The following BCLAF1 variants were observed in gnomAD, a reference collection of about 807,000 sequenced individuals.
BCLAF1 encodes the protein bcl-2-associated transcription factor 1.
A neutral mutation model predicts 99.5 loss-of-function variants in BCLAF1; 10 were observed. The ratio of observed to expected loss-of-function variants is 0.10; its 90% confidence interval spans 0.06 to 0.17. BCLAF1 has a LOEUF of 0.17. BCLAF1 is among the 10% of genes least tolerant of loss of function. The pLI is 1.00. For synonymous variants in BCLAF1, 255 were observed against 370.9 expected, an observed-to-expected ratio of 0.69 and a Z score of 3.59; for missense variants, 636 against 1,105.8, an observed-to-expected ratio of 0.58 and a Z score of 6.02.
intron 3 of BCLAF1, among the ~76,000 whole-genome samples, chr6:136,279,318 T>C (rs941961745): frequency 1.3e-5 from 2 of 152,188 alleles, no homozygotes; most frequent in African/African-American, 4.8e-5. Flanking sequence ...CTATGCTAAG[T>C]ATGTATTACT....
At position 136,276,397 on chromosome 6, in the gene BCLAF1, T is replaced by C. The variant is rs1270087759; in HGVS notation, c.1128A>G (p.Glu376=). Residue 376 remains glutamate, a synonymous_variant, in exon 5 of 13, where the codon GAA becomes GAG. Transcript: ENST00000531224. ...SEKGRAEGEW[E]DQEALDYFSD... ...TGAAGTAATCTAGAGCTTCCTGATC[T>C]TCCCATTCTCCCTCTGCCCTCCCTT... 1 of 1,574,988 alleles carries C rather than the reference T, an allele frequency of 6.3e-7. No individual in the cohort carries two copies. The highest frequency in any genetic ancestry group is 1.4e-5 in the African/African-American group (1 of 72,932).
At position 136,261,128 on chromosome 6, in the gene BCLAF1, G is replaced by GA. The variant is rs751133979; in HGVS notation, c.2758-14dup. Reference sequence around the variant, plus strand: ...ATATTTATTATTCCTAAAAGAGAGAGAAAAAATTAAAGATTAACAAAAGAT... The same window carrying GA: ...ATATTTATTATTCCTAAAAGAGAGAGAAAAAAATTAAAGATTAACAAAAGAT... On this transcript the variant is annotated splice_polypyrimidine_tract_variant and intron_variant, in intron 12 of 12. Coordinates refer to ENST00000531224, the MANE Select transcript of BCLAF1 (RefSeq NM_014739.3). 1.5e-4 allele frequency: 243 copies of GA among 1,576,750 alleles called. No homozygotes were observed. Among genetic ancestry groups the GA allele is most frequent in the Middle Eastern group, 5.1e-4 (3 of 5,862 alleles).
intron 1 of BCLAF1, among the ~76,000 whole-genome samples, chr6:136,286,813 T>C (rs1785194878): frequency 6.6e-6 from 1 of 151,992 alleles, no homozygotes. Flanking sequence ...ACTAAAAATA[T>C]AAAAATTAGA....
intron 9 of BCLAF1, among the ~76,000 whole-genome samples, chr6:136,268,934 G>C (rs1782126764): frequency 6.6e-6 from 1 of 151,802 alleles, no homozygotes; most frequent in Non-Finnish European, 1.5e-5. Flanking sequence ...CACCCGAAAA[G>C]GTCATACCTG....
chr6:136,278,831 T>G, intron 3 of BCLAF1, 55 bp from the exon 4 acceptor site: 1 of 1,401,562 alleles, frequency 7.1e-7, no homozygotes, highest in African/African-American at 1.4e-5. Context: ...ATGCTACCAT[T>G]CTAAATACTC....
chr6:136,278,230 T>C lies in BCLAF1; in HGVS notation c.651A>G (p.Ser217=), dbSNP rs1159230572. 1 of 1,614,180 alleles carries C rather than the reference T, an allele frequency of 6.2e-7. No individual in the cohort carries two copies. Among genetic ancestry groups the C allele is most frequent in the East Asian group, 2.2e-5 (1 of 44,890 alleles). ...ATSGDIWPGL[S]AYDNSPRSPH... ...GTGATCTAGGACTATTATCATAAGC[T>C]GAAAGGCCAGGCCAAATATCACCGG... The change falls in exon 4 of 13, where the codon TCA becomes TCG. Residue 217 remains serine, a synonymous_variant. Transcript: ENST00000531224.
intron 1 of BCLAF1, among the ~76,000 whole-genome samples, chr6:136,284,088 G>A (rs1562266762): frequency 7.1e-6 from 1 of 140,014 alleles, no homozygotes; most frequent in Non-Finnish European, 1.5e-5. Flanking sequence ...ATTCCAAAAG[G>A]CTAATTTATA....
At chr6:136,283,105 A>C (rs1784596430) in intron 1 of BCLAF1, among the ~76,000 whole-genome samples, 2 of 148,926 alleles carry the variant, frequency 1.3e-5, no homozygotes, top group African/African-American at 2.5e-5. Flanking sequence ...TGACACTGCA[A>C]TGCACTGTGA....
intron 2 of BCLAF1, among the ~76,000 whole-genome samples, chr6:136,280,910 T>G (rs1784310075): frequency 6.6e-6 from 1 of 152,204 alleles, no homozygotes; most frequent in Non-Finnish European, 1.5e-5. Context: ...AAAAATCAAC[T>G]TACTAAACTT....
At chr6:136,273,032 T>C (rs1782749458) in intron 7 of BCLAF1, 50 bp downstream of exon 7, 10 of 1,375,698 alleles carry the variant, frequency 7.3e-6, no homozygotes, top group African/African-American at 1.4e-5. Flanking sequence ...TTTAACAGTG[T>C]CTTCCTATCA....
chr6:136,279,934 A>T, intron 2 of BCLAF1, 58 bp from the exon 3 acceptor site: 3 of 1,344,358 alleles, frequency 2.2e-6, no homozygotes, highest in Non-Finnish European at 2.9e-6. Context: ...TTAAAATTTT[A>T]CATTATTACT....
intron 3 of BCLAF1, 96 bp downstream of exon 3, chr6:136,279,667 A>G: frequency 2.5e-6 from 3 of 1,196,322 alleles, no homozygotes; most frequent in Non-Finnish European, 3.2e-6. Flanking sequence ...TTTGAGAATA[A>G]AATACATTTT....
At chr6:136,282,973 C>T (rs923737886) in intron 1 of BCLAF1, among the ~76,000 whole-genome samples, 2 of 151,788 alleles carry the variant, frequency 1.3e-5, no homozygotes, top group African/African-American at 4.8e-5. Context: ...ATATGTCGTT[C>T]CATCAGAAAA....
chr6:136,267,253 G>A, intron 10 of BCLAF1, 78 bp from the exon 11 acceptor site: 1 of 1,469,734 alleles, frequency 6.8e-7, no homozygotes, highest in Non-Finnish European at 9.3e-7. Flanking sequence ...TTTTACTGCA[G>A]TAACAAAAAA....
chr6:136,278,141 A>C lies in BCLAF1; in HGVS notation c.740T>G (p.Met247Arg), dbSNP rs751773151. The change falls in exon 4 of 13, where the codon ATG (methionine) becomes AGG (arginine). Residue 247 changes from methionine to arginine, a missense_variant. Met to Arg is a moderately conservative substitution (Grantham distance 91, BLOSUM62 -1). Transcript: ENST00000531224. ...SQSSSCSDAP[M>R]LSTVHSAKNT... Reference sequence around the variant, plus strand: ...TTTTGCAGAGTGAACTGTACTGAGCATGGGAGCATCAGAGCAAGATGAACT... The same window carrying C: ...TTTTGCAGAGTGAACTGTACTGAGCCTGGGAGCATCAGAGCAAGATGAACT... 5.0e-6 allele frequency: 8 copies of C among 1,603,188 alleles called. No individual in the cohort carries two copies. The highest frequency in any genetic ancestry group is 6.8e-6 in the Non-Finnish European group (8 of 1,174,842).
chr6:136,282,365 A>G (rs1179870298), intron 2 of BCLAF1, among the ~76,000 whole-genome samples: 1 of 152,126 alleles, frequency 6.6e-6, no homozygotes, highest in Non-Finnish European at 1.5e-5. Context: ...TTATAGAAAT[A>G]GAAAAAGCAG....
chr6:136,286,654 T>C (rs1785171981), intron 1 of BCLAF1, among the ~76,000 whole-genome samples: 3 of 152,220 alleles, frequency 2.0e-5, no homozygotes, highest in Admixed American at 2.0e-4. Flanking sequence ...CAGCATCATT[T>C]AGAAGTCTTT....
chr6:136,258,174 G>C lies in BCLAF1; in HGVS notation c.*2936C>G, dbSNP rs1780574466. On this transcript the variant is annotated 3_prime_UTR_variant, in exon 13 of 13. Coordinates refer to ENST00000531224, the MANE Select transcript of BCLAF1 (RefSeq NM_014739.3). The stretch of plus-strand genomic sequence containing the variant: ...AGAATTATACCACATCTTACTTAAA[G>C]TGAATGAAAAGACAATTCTTTTTAC... 1 of 152,052 alleles carries C rather than the reference G, an allele frequency of 6.6e-6. No individual in the cohort carries two copies. The highest frequency in any genetic ancestry group is 2.1e-4 in the South Asian group (1 of 4,832). The allele number at this position is 152,052 out of a possible 1,614,324, so 9.4% of individuals were successfully genotyped here. A position where few individuals can be genotyped will look rare whatever the true frequency, so the allele number is the denominator to read the frequency against.
rs1419050810 is a variant in BCLAF1 at position 136,289,809 on chromosome 6, C to A, written c.-211G>T. 6.5e-6 allele frequency: 1 copy of A among 152,722 alleles called. No homozygotes were observed. Among genetic ancestry groups the A allele is most frequent in the Non-Finnish European group, 1.5e-5 (1 of 68,056 alleles). The allele number at this position is 152,722 out of a possible 1,614,324, so 9.5% of individuals were successfully genotyped here. A position where few individuals can be genotyped will look rare whatever the true frequency, so the allele number is the denominator to read the frequency against. On this transcript the variant is annotated 5_prime_UTR_variant, in exon 1 of 13. Coordinates refer to ENST00000531224, the MANE Select transcript of BCLAF1 (RefSeq NM_014739.3). ...GAACGCGAGGAAAACCATAGAGCTA[C>A]CTTCGACGCGCTAGCACGTCTCCGT...
Sources: gnomAD v4.1 joint callset for allele counts (sites outside exome capture counted in the v4.1 genomes callset) on GRCh38, gnomAD v4.1.1 for gene constraint, MANE v1.5 for transcripts, NCBI Gene and HGNC (gene_info 2026-07-23, HGNC 2026-07-21) for gene names.